KIAA0040: variants seen among roughly 807,000 people sequenced by gnomAD.
KIAA0040 encodes uncharacterized protein KIAA0040.
A neutral mutation model predicts 7.2 loss-of-function variants in KIAA0040; 10 were observed. The observed-to-expected ratio is 1.38, with a 90% CI of 0.85 to 2.34. KIAA0040 has a LOEUF of 2.34. Ranked by LOEUF, KIAA0040 falls within the 30% of genes most tolerant of loss-of-function variation. KIAA0040 has a pLI of 0.00. For synonymous variants in KIAA0040, 49 were observed against 40.1 expected, an observed-to-expected ratio of 1.22 and a Z score of -0.84; for missense variants, 89 against 108.2, an observed-to-expected ratio of 0.82 and a Z score of 0.79.
chr1:175,185,474 G>A (rs370888437), intron 1 of KIAA0040, among the ~76,000 whole-genome samples: 3 of 152,148 alleles, frequency 2.0e-5, no homozygotes, highest in Non-Finnish European at 4.4e-5. Context: ...CTAGGGCAAC[G>A]AGAGGTAGTA....
intron 1 of KIAA0040, among the ~76,000 whole-genome samples, chr1:175,184,916 T>G (rs1159261580): frequency 6.6e-6 from 1 of 152,216 alleles, no homozygotes; most frequent in Admixed American, 6.5e-5. Context: ...TGCAATCCCC[T>G]GAGAAACAGA....
At chr1:175,172,409 CA>C (rs1255497082) in intron 2 of KIAA0040, among the ~76,000 whole-genome samples, 1 of 152,100 alleles carries the variant, frequency 6.6e-6, no homozygotes, top group Non-Finnish European at 1.5e-5. Flanking sequence ...CCTATCTCTA[CA>C]AAAATAAAAA....
Position 175,160,615 on chromosome 1 carries a change from C to T in KIAA0040, c.*99G>A. 1.7e-6 allele frequency: 2 copies of T among 1,157,302 alleles called. No homozygotes were observed. Among genetic ancestry groups the T allele is most frequent in the Non-Finnish European group, 2.4e-6 (2 of 839,560 alleles). The allele number at this position is 1,157,302 out of a possible 1,614,324, so 71.7% of individuals were successfully genotyped here. Reference sequence around the variant, plus strand: ...CTTGGTTGAGTAGTTACTCTGTGGACATGGACATAGTGCATTATTTCAGGG... The same window carrying T: ...CTTGGTTGAGTAGTTACTCTGTGGATATGGACATAGTGCATTATTTCAGGG... On this transcript the variant is annotated 3_prime_UTR_variant, in exon 4 of 4. Coordinates refer to ENST00000423313, the MANE Select transcript of KIAA0040 (RefSeq NM_014656.3).
intron 1 of KIAA0040, among the ~76,000 whole-genome samples, chr1:175,183,468 C>T (rs1354319495): frequency 2.0e-5 from 3 of 152,280 alleles, no homozygotes; most frequent in South Asian, 2.1e-4. Flanking sequence ...CTTGTAGGCC[C>T]CTGCAGAGCC....
At chr1:175,180,308 A>G (rs1376415909) in intron 1 of KIAA0040, among the ~76,000 whole-genome samples, 2 of 152,238 alleles carry the variant, frequency 1.3e-5, no homozygotes, top group Non-Finnish European at 2.9e-5. Context: ...CCCTTGGGAA[A>G]TATGTGCTGA....
At chr1:175,183,128 T>C (rs555401429) in intron 1 of KIAA0040, among the ~76,000 whole-genome samples, 48 of 152,310 alleles carry the variant, frequency 3.2e-4, no homozygotes, top group African/African-American at 1.2e-3. Context: ...GGAGATATCA[T>C]AGTTGAAAAT....
intron 2 of KIAA0040, chr1:175,176,590 G>GT (rs1677197280): frequency 7.0e-6 from 1 of 142,870 alleles, no homozygotes. Context: ...ATAAATAATG[G>GT]TTGATGAATG....
chr1:175,187,045 G>A (rs1677685303), intron 1 of KIAA0040, among the ~76,000 whole-genome samples: 1 of 152,164 alleles, frequency 6.6e-6, no homozygotes, highest in African/African-American at 2.4e-5. Flanking sequence ...AAAGGAGGGT[G>A]GAAGCCATCA....
chr1:175,186,853 T>C (rs1233790510), intron 1 of KIAA0040, among the ~76,000 whole-genome samples: 4 of 152,198 alleles, frequency 2.6e-5, no homozygotes, highest in African/African-American at 9.7e-5. Context: ...TGGGGTGGTA[T>C]GCAAGTGTGT....
At chr1:175,177,728 G>A (rs567528003) in intron 1 of KIAA0040, 44 bp from the exon 2 acceptor site, 1 of 152,280 alleles carries the variant, frequency 6.6e-6, no homozygotes, top group Non-Finnish European at 1.5e-5. Context: ...CTGCCCCTTT[G>A]GAGGGAAATT....
In KIAA0040 at chr1:175,156,996, T is replaced by C. The variant is rs1368103205; in HGVS notation, c.*3718A>G. 1 of 147,812 alleles carries C rather than the reference T, an allele frequency of 6.8e-6. No individual in the cohort carries two copies. The allele number at this position is 147,812 out of a possible 1,614,324, so 9.2% of individuals were successfully genotyped here. ...TATGGCAGACATAGCTGAGCTAGTA[T>C]ACCTTTAATTTTATTTCATTGCAAT... is the stretch of plus-strand genomic sequence containing the variant. On this transcript the variant is annotated 3_prime_UTR_variant, in exon 4 of 4. Coordinates refer to ENST00000423313, the MANE Select transcript of KIAA0040 (RefSeq NM_014656.3).
intron 2 of KIAA0040, among the ~76,000 whole-genome samples, chr1:175,171,915 G>A (rs995442643): frequency 6.6e-6 from 1 of 152,184 alleles, no homozygotes; most frequent in South Asian, 2.1e-4. Flanking sequence ...TAGGAAATAT[G>A]GGGGAGGTAA....
intron 2 of KIAA0040, among the ~76,000 whole-genome samples, chr1:175,170,251 G>A (rs918958914): frequency 6.6e-6 from 1 of 152,150 alleles, no homozygotes; most frequent in Non-Finnish European, 1.5e-5. Context: ...AAGTAAAGCA[G>A]GGCTTGAGCT....
chr1:175,174,154 A>T (rs764458649), intron 2 of KIAA0040, among the ~76,000 whole-genome samples: 17 of 152,126 alleles, frequency 1.1e-4, no homozygotes, highest in Non-Finnish European at 2.5e-4. Flanking sequence ...ACTATGGTAC[A>T]TGTTCTCTGT....
At chr1:175,161,810 G>T (rs1676555303) in intron 3 of KIAA0040, among the ~76,000 whole-genome samples, 1 of 152,106 alleles carries the variant, frequency 6.6e-6, no homozygotes, top group South Asian at 2.1e-4. Flanking sequence ...TCCTCCCAAG[G>T]CTGAGAGAAC....
chr1:175,167,161 C>A (rs980757466), intron 2 of KIAA0040, among the ~76,000 whole-genome samples: 1 of 152,152 alleles, frequency 6.6e-6, no homozygotes, highest in Non-Finnish European at 1.5e-5. Flanking sequence ...GAGAGAAGAT[C>A]TGAATGACAA....
At chr1:175,168,690 C>T (rs553298118) in intron 2 of KIAA0040, among the ~76,000 whole-genome samples, 13 of 152,310 alleles carry the variant, frequency 8.5e-5, no homozygotes, top group African/African-American at 3.1e-4. Flanking sequence ...CAGCTGGTGA[C>T]TAATAGAGCC....
At chr1:175,161,941 T>C (rs1676560073) in intron 3 of KIAA0040, among the ~76,000 whole-genome samples, 1 of 152,190 alleles carries the variant, frequency 6.6e-6, no homozygotes, top group Non-Finnish European at 1.5e-5. Flanking sequence ...CTCTTTCTTC[T>C]CTATGGGAGA....
intron 1 of KIAA0040, among the ~76,000 whole-genome samples, chr1:175,179,413 T>C (rs1490459720): frequency 6.6e-6 from 1 of 152,152 alleles, no homozygotes; most frequent in Non-Finnish European, 1.5e-5. Context: ...TCACTGGTAA[T>C]CTGCCCCAAC....
Sources: allele counts gnomAD v4.1 joint callset (sites outside exome capture counted in the v4.1 genomes callset), GRCh38; gene constraint gnomAD v4.1.1; transcripts MANE v1.5; gene names NCBI Gene and HGNC (gene_info 2026-07-23, HGNC 2026-07-21).